IL5RA: variants seen among roughly 807,000 people sequenced by gnomAD.
IL5RA encodes the protein interleukin 5 receptor subunit alpha.
In IL5RA, 49 loss-of-function variants were observed where a neutral mutation model predicts 50.0. The ratio of observed to expected loss-of-function variants is 0.98; its 90% CI spans 0.78 to 1.24. The LOEUF (loss-of-function observed/expected upper bound fraction) is 1.24. IL5RA is among the 50% of genes most tolerant of loss of function. The pLI is 0.00. For missense variants in IL5RA, 600 were observed against 500.4 expected, an observed-to-expected ratio of 1.20 and a Z score of -1.90; for synonymous variants, 202 against 174.0, an observed-to-expected ratio of 1.16 and a Z score of -1.26.
intron 3 of IL5RA, among the ~76,000 whole-genome samples, chr3:3,104,445 T>C (rs1215117290): frequency 1.3e-5 from 2 of 152,230 alleles, no homozygotes; most frequent in African/African-American, 2.4e-5. Context: ...AGATACAACA[T>C]TGTCATTACC....
chr3:3,095,581 A>G, intron 7 of IL5RA, 137 bp from the exon 8 acceptor site: 2 of 714,018 alleles, frequency 2.8e-6, no homozygotes, highest in Non-Finnish European at 4.7e-6. Context: ...GTCTTAATCA[A>G]CTGATCTCCA....
intron 9 of IL5RA, among the ~76,000 whole-genome samples, chr3:3,086,197 G>T (rs559182921): frequency 6.6e-6 from 1 of 152,318 alleles, no homozygotes; most frequent in East Asian, 1.9e-4. Flanking sequence ...GTGCAGGGTA[G>T]ACCCACATAA....
Position 3,076,614 on chromosome 3 carries a change from G to A in IL5RA, c.1008C>T (p.His336=). The A allele has an allele frequency of 6.2e-7, 1 of 1,604,944 alleles. No individual in the cohort carries two copies. The highest frequency in any genetic ancestry group is 8.5e-7 in the Non-Finnish European group (1 of 1,173,844). The change falls in exon 10 of 12, where the codon CAC becomes CAT. Residue 336 remains histidine (H), a synonymous_variant. Transcript: ENST00000446632. ...SQPIYVGNDE[H]KPLREWFVIV... is the part of the protein sequence containing the mutation. ...TGACAAACCACTCTCTCAAGGGCTT[G>A]TGTTCATCATTTCCTGGTGGAAAAC...
intron 7 of IL5RA, among the ~76,000 whole-genome samples, chr3:3,095,718 C>A (rs17882007): frequency 9.2e-5 from 14 of 152,014 alleles, no homozygotes; most frequent in East Asian, 3.9e-4. Context: ...TACTTCCCCC[C>A]CTCAGCTCAT....
intron 9 of IL5RA, among the ~76,000 whole-genome samples, chr3:3,084,352 G>A (rs1702776318): frequency 6.6e-6 from 1 of 152,124 alleles, no homozygotes; most frequent in African/African-American, 2.4e-5. Flanking sequence ...AAAATGCAGA[G>A]AGATAAACTC....
At position 3,095,412 on chromosome 3, in the gene IL5RA, C is replaced by G. The variant is rs368017788; in HGVS notation, c.742G>C (p.Glu248Gln). The change falls in exon 8 of 12, where the codon GAG (glutamate) becomes CAG (glutamine). Residue 248 changes from glutamate (E) to glutamine (Q), a missense_variant. Transcript: ENST00000446632. ...ATAGAGAGACGAGTTCCTTCAATCT[C>G]TGCTGTGACATTCAGTGGAGGATTT... ...QINPPLNVTA[E>Q]IEGTRLSIQW... 6.2e-7 allele frequency: 1 copy of G among 1,612,676 alleles called. No homozygotes were observed. The highest frequency in any genetic ancestry group is 2.2e-5 in the East Asian group (1 of 44,860).
At chr3:3,104,413 G>T (rs1032239558) in intron 3 of IL5RA, among the ~76,000 whole-genome samples, 2 of 152,192 alleles carry the variant, frequency 1.3e-5, no homozygotes, top group Admixed American at 6.6e-5. Context: ...ATGGCTAGTG[G>T]CTACTGCATT....
At chr3:3,099,658 T>TTTTTTA (rs1553752865) in intron 5 of IL5RA, among the ~76,000 whole-genome samples, 2 of 144,280 alleles carry the variant, frequency 1.4e-5, no homozygotes, top group East Asian at 2.0e-4. Context: ...TTTTATTTTA[T>TTTTTTA]TTATTATTAT....
At position 3,104,979 on chromosome 3, in the gene IL5RA, G is replaced by T; in HGVS notation, c.6C>A (p.Ile2=). M[I]IVAHVLLILL... Reference sequence around the variant, plus strand: ...GGATGAGTAATACATGCGCCACGATGATCATATCCTACAGAAAACAAGGGA... The same window carrying T: ...GGATGAGTAATACATGCGCCACGATTATCATATCCTACAGAAAACAAGGGA... The change falls in exon 3 of 12, where the codon ATC becomes ATA. Residue 2 remains isoleucine (I), a synonymous_variant. Coordinates refer to ENST00000446632, the MANE Select transcript of IL5RA (RefSeq NM_175726.4). The T allele has an allele frequency of 1.2e-6, 2 of 1,609,002 alleles. No homozygotes were observed. The highest frequency in any genetic ancestry group is 1.1e-5 in the South Asian group (1 of 90,546).
intron 8 of IL5RA, 67 bp downstream of exon 8, chr3:3,095,232 G>A: frequency 7.7e-7 from 1 of 1,293,492 alleles, no homozygotes. Context: ...AGTCACTGAA[G>A]ATAATTTTTT....
intron 1 of IL5RA, among the ~76,000 whole-genome samples, chr3:3,109,108 G>T (rs1704065165): frequency 6.6e-6 from 1 of 152,078 alleles, no homozygotes; most frequent in South Asian, 2.1e-4. Context: ...AGGCTCAAGG[G>T]TATTAAAATA....
rs188524105 is a variant in IL5RA at position 3,093,548 on chromosome 3, C to G, written c.856-1186G>C. Among the ~76,000 whole-genome samples, 100 of 152,328 alleles carry G rather than the reference C, an allele frequency of 6.6e-4. No individual in the cohort carries two copies. The East Asian group carries it at 0.013, about 20-fold the overall frequency. On this transcript the variant is annotated intron_variant, in intron 8 of 11. Coordinates refer to ENST00000446632, the MANE Select transcript of IL5RA (RefSeq NM_175726.4). ...GTAGATTAGACATTATAAAAACACA[C>G]GCACACACACGTGCACACACAGTCC... is the stretch of plus-strand genomic sequence containing the variant.
Position 3,070,009 on chromosome 3 carries a change from G to T in IL5RA, c.*216C>A. 2.1e-6 allele frequency: 1 copy of T among 480,670 alleles called. No homozygotes were observed. The highest frequency in any genetic ancestry group is 3.7e-6 in the Non-Finnish European group (1 of 267,732). 29.8% of individuals were successfully genotyped at this position (480,670 alleles called of 1,614,324 possible). A position where few individuals can be genotyped will look rare whatever the true frequency, so the allele number is the denominator to read the frequency against. Reference sequence around the variant, plus strand: ...GGAGAAAAAACATGGCAAAATGCTTGGATGAGTCAACTTCCCTGCTGTAGG... The same window carrying T: ...GGAGAAAAAACATGGCAAAATGCTTTGATGAGTCAACTTCCCTGCTGTAGG... On this transcript the variant is annotated 3_prime_UTR_variant, in exon 12 of 12. Coordinates refer to ENST00000446632, the MANE Select transcript of IL5RA (RefSeq NM_175726.4).
chr3:3,095,169 G>A, intron 8 of IL5RA, 130 bp downstream of exon 8: 1 of 653,372 alleles, frequency 1.5e-6, no homozygotes, highest in Non-Finnish European at 2.6e-6. Context: ...TATAATACCT[G>A]GGTAGATTAA....
Position 3,092,829 on chromosome 3 carries a change from G to C in IL5RA, c.856-467C>G, listed in dbSNP as rs1329330896. ...GATCATGGTCGCCACCATCCAGCTA[G>C]TCCCCTGTACCAGAGATGTGCTCCT... is the stretch of plus-strand genomic sequence containing the variant. On this transcript the variant is annotated intron_variant, in intron 8 of 11. Transcript: ENST00000446632. The surrounding 1 kb of genome is among the most constrained non-coding windows in gnomAD (Gnocchi z 4.2). Among the ~76,000 whole-genome samples, 1 of 152,126 alleles carries C rather than the reference G, an allele frequency of 6.6e-6. No homozygotes were observed. The highest frequency in any genetic ancestry group is 1.5e-5 in the Non-Finnish European group (1 of 68,032).
chr3:3,095,980 CA>C (rs1703344841), intron 7 of IL5RA, among the ~76,000 whole-genome samples: 1 of 152,084 alleles, frequency 6.6e-6, no homozygotes, highest in South Asian at 2.1e-4. Context: ...TCTTTTGCAT[CA>C]AAAAGAATGG....
chr3:3,098,136 C>A lies in IL5RA; in HGVS notation c.521+1G>T, dbSNP rs1205173528. The A allele has an allele frequency of 6.2e-7, 1 of 1,614,108 alleles. No homozygotes were observed. Among genetic ancestry groups the A allele is most frequent in the Non-Finnish European group, 8.5e-7 (1 of 1,180,008 alleles). ...TAAGTAAAAATAGGTACAGTACTAA[C>A]CTATAGTAGAGAAAATACTGCGTGT... On this transcript the variant is annotated splice_donor_variant, in intron 6 of 11. Transcript: ENST00000446632. LOFTEE classifies it high-confidence loss of function.
At chr3:3,073,237 T>C (rs1469539301) in intron 11 of IL5RA, among the ~76,000 whole-genome samples, 1 of 151,926 alleles carries the variant, frequency 6.6e-6, no homozygotes, top group Non-Finnish European at 1.5e-5. Flanking sequence ...TTTTGGTGAG[T>C]TTTTCCACGA....
rs1469490051 is a variant in IL5RA, at chr3:3,068,508, G to A, written c.*1717C>T. On this transcript the variant is annotated 3_prime_UTR_variant, in exon 12 of 12. Coordinates refer to ENST00000446632, the MANE Select transcript of IL5RA (RefSeq NM_175726.4). The stretch of plus-strand genomic sequence containing the variant: ...GAGGATGGCTTGAGCCCAGGACAGG[G>A]AGGTTGTAGTGAGCTAAGATCACAT... 1 of 148,678 alleles carries A rather than the reference G, an allele frequency of 6.7e-6. No individual in the cohort carries two copies. Among genetic ancestry groups the A allele is most frequent in the Non-Finnish European group, 1.5e-5 (1 of 67,830 alleles). 9.2% of individuals were successfully genotyped at this position (148,678 alleles called of 1,614,324 possible). A position where few individuals can be genotyped will look rare whatever the true frequency, so the allele number is the denominator to read the frequency against.
Sources: allele counts gnomAD v4.1 joint callset (sites outside exome capture counted in the v4.1 genomes callset), GRCh38; gene constraint gnomAD v4.1.1; non-coding constraint Gnocchi (gnomAD v3.1); transcripts MANE v1.5; gene names NCBI Gene and HGNC (gene_info 2026-07-23, HGNC 2026-07-21).